EXOC2: variants seen among roughly 807,000 people sequenced by gnomAD.
EXOC2 encodes SEC5-like 1.
EXOC2 carries 70 observed loss-of-function variants against 131.8 expected under a neutral mutation model. That is an observed-to-expected ratio of 0.53 (90% CI 0.44 to 0.65). The LOEUF is 0.65. EXOC2 is among the 30% of genes least tolerant of loss of function. The pLI, the probability that EXOC2 is intolerant of heterozygous loss-of-function variation, is 0.00. For missense variants in EXOC2, 923 were observed against 1,108.6 expected (o/e 0.83, Z 2.38); for synonymous variants, 411 against 398.4 (o/e 1.03, Z -0.38).
At position 486,612 on chromosome 6, in the gene EXOC2, A is replaced by C; in HGVS notation, c.*59T>G. ...TACACCAAATACCTTTAGGGTACTT[A>C]GAGAGTGAACAGTCTTATTACGTGT... On this transcript the variant is annotated 3_prime_UTR_variant, in exon 28 of 28. Coordinates refer to ENST00000230449, the MANE Select transcript of EXOC2 (RefSeq NM_018303.6). The C allele has an allele frequency of 1.4e-6, 2 of 1,423,266 alleles. No homozygotes were observed. Among genetic ancestry groups the C allele is most frequent in the Non-Finnish European group, 2.0e-6 (2 of 1,008,976 alleles). 88.2% of individuals were successfully genotyped at this position (1,423,266 alleles called of 1,614,324 possible).
chr6:681,466 C>T (rs1764400181), intron 1 of EXOC2, among the ~76,000 whole-genome samples: 1 of 152,088 alleles, frequency 6.6e-6, no homozygotes, highest in African/African-American at 2.4e-5. Context: ...CCTTTCTCCC[C>T]CCACCAAAGA....
At chr6:550,416 G>C (rs1031916176) in intron 21 of EXOC2, among the ~76,000 whole-genome samples, 1 of 151,962 alleles carries the variant, frequency 6.6e-6, no homozygotes, top group Non-Finnish European at 1.5e-5. Context: ...CTTTTATTTT[G>C]AATGTTCCCA....
At chr6:662,211 C>T (rs1190036112) in intron 1 of EXOC2, among the ~76,000 whole-genome samples, 3 of 152,080 alleles carry the variant, frequency 2.0e-5, no homozygotes, top group Non-Finnish European at 2.9e-5. Context: ...TAGTGGGGGA[C>T]TTCAATACTC....
At chr6:606,787 A>G (rs1315180608) in intron 7 of EXOC2, among the ~76,000 whole-genome samples, 1 of 152,242 alleles carries the variant, frequency 6.6e-6, no homozygotes, top group Non-Finnish European at 1.5e-5. Flanking sequence ...AGGAGGACCT[A>G]CATCCCCACA....
intron 23 of EXOC2, among the ~76,000 whole-genome samples, chr6:531,255 G>A (rs1486408504): frequency 3.3e-5 from 5 of 152,224 alleles, no homozygotes; most frequent in African/African-American, 9.6e-5. Flanking sequence ...GGGCAGAGGT[G>A]GGCACAGCAC....
At chr6:678,832 A>C (rs889392749) in intron 1 of EXOC2, among the ~76,000 whole-genome samples, 1 of 152,182 alleles carries the variant, frequency 6.6e-6, no homozygotes, top group African/African-American at 2.4e-5. Flanking sequence ...TATTCTAAAC[A>C]AACTACTGCT....
intron 13 of EXOC2, among the ~76,000 whole-genome samples, chr6:570,424 C>T (rs1349740718): frequency 5.3e-5 from 8 of 152,188 alleles, no homozygotes; most frequent in East Asian, 3.8e-4. Flanking sequence ...TGAGCCACCG[C>T]GCCTGGCCCT....
chr6:526,670 C>A (rs150278143), intron 23 of EXOC2, among the ~76,000 whole-genome samples: 21,714 of 151,850 alleles, frequency 0.14, 1,634 homozygotes, highest in African/African-American at 0.18. Context: ...GAACTCCCGA[C>A]CTCAGGTGAT....
chr6:658,882 G>A (rs1470099000), intron 1 of EXOC2, among the ~76,000 whole-genome samples: 6 of 151,674 alleles, frequency 4.0e-5, no homozygotes, highest in Non-Finnish European at 7.4e-5. Flanking sequence ...GGCTGGTCTC[G>A]AACTCCTGAT....
intron 7 of EXOC2, among the ~76,000 whole-genome samples, chr6:606,309 C>T (rs2127655317): frequency 6.6e-6 from 1 of 152,138 alleles, no homozygotes; most frequent in South Asian, 2.1e-4. Flanking sequence ...GGAGATATAC[C>T]TAATGTAAAT....
intron 23 of EXOC2, among the ~76,000 whole-genome samples, chr6:501,687 T>C (rs1764210619): frequency 8.2e-6 from 1 of 121,650 alleles, no homozygotes; most frequent in South Asian, 2.2e-4. Context: ...TATATATCTA[T>C]AAAAGATATA....
At chr6:526,613 T>C (rs1346122493) in intron 23 of EXOC2, among the ~76,000 whole-genome samples, 1 of 151,966 alleles carries the variant, frequency 6.6e-6, no homozygotes, top group East Asian at 1.9e-4. Context: ...GTTAATTTTA[T>C]ATTTTTAGTA....
intron 10 of EXOC2, among the ~76,000 whole-genome samples, chr6:593,832 A>T (rs1249756777): frequency 6.6e-6 from 1 of 152,166 alleles, no homozygotes; most frequent in Non-Finnish European, 1.5e-5. Context: ...TCCAGTAGTG[A>T]GTGTGTGTTA....
intron 26 of EXOC2, 65 bp from the exon 27 acceptor site, chr6:489,103 A>C (rs772460236): frequency 5.6e-5 from 83 of 1,493,574 alleles, no homozygotes; most frequent in Non-Finnish European, 7.3e-5. Context: ...CAAATTCTTA[A>C]GCATCCCTTA....
chr6:685,879 T>A (rs1042704369), intron 1 of EXOC2, among the ~76,000 whole-genome samples: 2 of 147,738 alleles, frequency 1.4e-5, no homozygotes, highest in African/African-American at 5.0e-5. Flanking sequence ...CTTTTTTTTT[T>A]TTTTTTTTTT....
At chr6:687,250 G>A (rs1368560719) in intron 1 of EXOC2, among the ~76,000 whole-genome samples, 1 of 123,106 alleles carries the variant, frequency 8.1e-6, no homozygotes, top group Non-Finnish European at 1.6e-5. Context: ...TGCAATCATA[G>A]CTCACTGCAG....
rs1766848 is a variant in EXOC2 at position 656,555 on chromosome 6, G to T, written c.-43-18694C>A. The T allele has an allele frequency of 0.094, 150,258 of 1,596,410 alleles. 7,562 individuals carry two copies. Among genetic ancestry groups the T allele is most frequent in the Admixed American group, 0.13 (7,550 of 59,272 alleles). On this transcript the variant is annotated intron_variant, in intron 1 of 27. Coordinates refer to ENST00000230449, the MANE Select transcript of EXOC2 (RefSeq NM_018303.6). ...TGGGAAGCACCCGCACGGGCAGATCGTGCACCACGCTGCGAGCGCGGCCCA... is the reference window on the plus strand; with the variant it reads ...TGGGAAGCACCCGCACGGGCAGATCTTGCACCACGCTGCGAGCGCGGCCCA...
chr6:566,001 A>T (rs1249153004), intron 13 of EXOC2, among the ~76,000 whole-genome samples: 53 of 152,226 alleles, frequency 3.5e-4, no homozygotes, highest in Admixed American at 3.5e-3. Context: ...ACAGACCAAC[A>T]TCCTTCAAAC....
chr6:492,896 C>T (rs1422941876), intron 25 of EXOC2, among the ~76,000 whole-genome samples: 5 of 152,098 alleles, frequency 3.3e-5, no homozygotes, highest in African/African-American at 4.8e-5. Context: ...GTAGACAGAT[C>T]GTATGCTATG....
Sources: allele counts gnomAD v4.1 joint callset (sites outside exome capture counted in the v4.1 genomes callset), GRCh38; gene constraint gnomAD v4.1.1; transcripts MANE v1.5; gene names NCBI Gene and HGNC (gene_info 2026-07-23, HGNC 2026-07-21).